ZNF292: variants seen among roughly 807,000 people sequenced by gnomAD.
The protein encoded by ZNF292 is 16 zinc-finger domain protein.
Under a neutral mutation model 217.9 loss-of-function variants are expected in ZNF292, and 26 were observed. The ratio of observed to expected loss-of-function variants is 0.12; its 90% CI spans 0.09 to 0.17. ZNF292 has a LOEUF of 0.17. ZNF292 is among the 10% of genes least tolerant of loss of function. The pLI, the probability that ZNF292 is intolerant of heterozygous loss-of-function variation, is 1.00. For missense variants in ZNF292, 2,904 were observed against 3,175.2 expected, an observed-to-expected ratio of 0.91 and a Z score of 2.05; for synonymous variants, 1,257 against 1,124.1, an observed-to-expected ratio of 1.12 and a Z score of -2.37.
chr6:87,175,614 C>G (rs1164348595), intron 1 of ZNF292, among the ~76,000 whole-genome samples: 1 of 152,214 alleles, frequency 6.6e-6, no homozygotes, highest in Admixed American at 6.5e-5. Flanking sequence ...GCTAGGAGTA[C>G]AGATGTGAAC....
intron 1 of ZNF292, among the ~76,000 whole-genome samples, chr6:87,197,351 G>A (rs1231317803): frequency 6.6e-6 from 1 of 151,722 alleles, no homozygotes; most frequent in African/African-American, 2.4e-5. Context: ...AATTGCAGTA[G>A]GTTAGGTAGT....
At position 87,261,728 on chromosome 6, in the gene ZNF292, A is replaced by C; in HGVS notation, c.8099A>C (p.His2700Pro). 1.2e-6 allele frequency: 2 copies of C among 1,613,122 alleles called. No homozygotes were observed. Among genetic ancestry groups the C allele is most frequent in the East Asian group, 2.2e-5 (1 of 44,848 alleles). Residue 2700 changes from histidine to proline, a missense_variant, in exon 8 of 8, where the codon CAT becomes CCT. Coordinates refer to ENST00000369577, the MANE Select transcript of ZNF292 (RefSeq NM_015021.3). ...PTVSLKKLEV[H>P]SNDPDMSVMK... The stretch of plus-strand genomic sequence containing the variant: ...GTCAGTCTGAAAAAACTTGAAGTAC[A>C]TTCAAATGATCCAGATATGTCTGTT...
At chr6:87,164,531 T>G (rs1374903403) in intron 1 of ZNF292, among the ~76,000 whole-genome samples, 1 of 152,218 alleles carries the variant, frequency 6.6e-6, no homozygotes, top group Admixed American at 6.5e-5. Context: ...CCCTTTTCCC[T>G]TTATTCCCTA....
At chr6:87,188,875 G>T (rs1054870590) in intron 1 of ZNF292, among the ~76,000 whole-genome samples, 2 of 151,900 alleles carry the variant, frequency 1.3e-5, no homozygotes, top group Non-Finnish European at 2.9e-5. Context: ...AATTATTATA[G>T]GTTTGAAAAT....
At chr6:87,166,995 T>A (rs1770938200) in intron 1 of ZNF292, among the ~76,000 whole-genome samples, 1 of 152,186 alleles carries the variant, frequency 6.6e-6, no homozygotes, top group African/African-American at 2.4e-5. Flanking sequence ...TCAAATTAAG[T>A]ATATTTTGCT....
intron 7 of ZNF292, among the ~76,000 whole-genome samples, chr6:87,253,718 C>T (rs893819433): frequency 1.3e-5 from 2 of 152,034 alleles, no homozygotes; most frequent in Non-Finnish European, 2.9e-5. Context: ...AAAATATTTT[C>T]TTCTTAACTT....
chr6:87,155,897 A>T (rs1054650248), intron 1 of ZNF292, 138 bp downstream of exon 1: 1 of 1,116,286 alleles, frequency 9.0e-7, no homozygotes, highest in Non-Finnish European at 1.2e-6. Flanking sequence ...CGGGAGTAGA[A>T]GGAAGGCGCC....
At position 87,224,562 on chromosome 6, in the gene ZNF292, G is replaced by A. The variant is rs184156795; in HGVS notation, c.538+5831G>A. 2.8e-3 allele frequency among the ~76,000 whole-genome samples: 427 copies of A among 152,054 alleles called. 5 individuals carry two copies. Among genetic ancestry groups the A allele is most frequent in the Non-Finnish European group, 3.8e-3 (261 of 67,988 alleles). On this transcript the variant is annotated intron_variant, in intron 4 of 7. Transcript: ENST00000369577. ...AGTTTTGCCTTTTTCAGAATGTCAC[G>A]TAATTAAAGCTTTTCATTCAAGCTT...
chr6:87,230,130 G>C (rs1183115871), intron 4 of ZNF292, among the ~76,000 whole-genome samples: 5 of 152,212 alleles, frequency 3.3e-5, no homozygotes, highest in African/African-American at 1.2e-4. Context: ...TTTCTGCCTT[G>C]AGCACAACTG....
intron 1 of ZNF292, among the ~76,000 whole-genome samples, chr6:87,201,497 C>A (rs926471952): frequency 6.6e-6 from 1 of 152,150 alleles, no homozygotes; most frequent in Non-Finnish European, 1.5e-5. Flanking sequence ...CTCCGCCTCC[C>A]GGGTTCAAGC....
At chr6:87,251,143 C>G (rs1774899432) in intron 7 of ZNF292, among the ~76,000 whole-genome samples, 1 of 152,086 alleles carries the variant, frequency 6.6e-6, no homozygotes, top group African/African-American at 2.4e-5. Flanking sequence ...ATTTGGGGAA[C>G]TACAGGTAGC....
At chr6:87,248,590 A>G (rs1774731849) in intron 7 of ZNF292, among the ~76,000 whole-genome samples, 1 of 152,176 alleles carries the variant, frequency 6.6e-6, no homozygotes, top group Non-Finnish European at 1.5e-5. Context: ...AACAAAACAA[A>G]CAAAAACCTG....
rs1248728289 is a variant in ZNF292 at position 87,255,361 on chromosome 6, T to C, written c.1732T>C (p.Phe578Leu). The part of the protein sequence containing the change: ...IYSCPICAKN[F>L]NSKETFVPHV... Reference sequence around the variant, plus strand: ...TAGTTGCCCCATATGTGCAAAGAACTTTAATTCTAAAGAAACTTTTGTCCC... The same window carrying C: ...TAGTTGCCCCATATGTGCAAAGAACCTTAATTCTAAAGAAACTTTTGTCCC... The change falls in exon 8 of 8, where the codon TTT (phenylalanine) becomes CTT (leucine). Residue 578 changes from phenylalanine (F) to leucine (L), a missense_variant. Phe to Leu is a conservative substitution (Grantham distance 22). Coordinates refer to ENST00000369577, the MANE Select transcript of ZNF292 (RefSeq NM_015021.3). 4 of 1,613,578 alleles carry C rather than the reference T, an allele frequency of 2.5e-6. No homozygotes were observed. Among genetic ancestry groups the C allele is most frequent in the Non-Finnish European group, 3.4e-6 (4 of 1,179,824 alleles).
In ZNF292 at chr6:87,260,200, C is replaced by A. The variant is rs1298189638; in HGVS notation, c.6571C>A (p.Gln2191Lys). The change falls in exon 8 of 8, where the codon CAA (glutamine) becomes AAA (lysine). Residue 2191 changes from glutamine (Q) to lysine (K), a missense_variant. By Grantham distance (53) the Gln-to-Lys change is moderately conservative. Transcript: ENST00000369577. ...RIFQAITGLI[Q>K]HYMKLHEMTP... ...TTTCCAAGCAATTACTGGCCTAATA[C>A]AACACTACATGAAACTTCATGAAAT... is the stretch of plus-strand genomic sequence containing the variant. The A allele has an allele frequency of 3.7e-6, 6 of 1,613,526 alleles. No homozygotes were observed. Among genetic ancestry groups the A allele is most frequent in the South Asian group, 1.1e-5 (1 of 91,080 alleles).
At chr6:87,231,009 G>C (rs1773623607) in intron 4 of ZNF292, among the ~76,000 whole-genome samples, 1 of 152,080 alleles carries the variant, frequency 6.6e-6, no homozygotes, top group Admixed American at 6.5e-5. Flanking sequence ...AATTTGATAC[G>C]TCTAAGCTAC....
chr6:87,193,474 A>T (rs1047737916), intron 1 of ZNF292, among the ~76,000 whole-genome samples: 1 of 151,710 alleles, frequency 6.6e-6, no homozygotes, highest in African/African-American at 2.4e-5. Context: ...TGAGAGGTTG[A>T]GGCTGGAGTG....
chr6:87,200,130 G>A (rs936153098), intron 1 of ZNF292, among the ~76,000 whole-genome samples: 1 of 152,152 alleles, frequency 6.6e-6, no homozygotes, highest in Admixed American at 6.5e-5. Flanking sequence ...TTCTGTATAA[G>A]GGGGTTTACT....
At chr6:87,231,717 A>G (rs1773665875) in intron 4 of ZNF292, among the ~76,000 whole-genome samples, 1 of 152,210 alleles carries the variant, frequency 6.6e-6, no homozygotes, top group African/African-American at 2.4e-5. Flanking sequence ...GATTGGGACC[A>G]TCAGTTTTGT....
At chr6:87,233,202 A>T (rs1773737210) in intron 4 of ZNF292, 123 bp from the exon 5 acceptor site, 1 of 670,806 alleles carries the variant, frequency 1.5e-6, no homozygotes. Flanking sequence ...CCTTACTAGC[A>T]ATAATAGAAA....
Sources: allele counts gnomAD v4.1 joint callset (sites outside exome capture counted in the v4.1 genomes callset), GRCh38; gene constraint gnomAD v4.1.1; transcripts MANE v1.5; gene names NCBI Gene and HGNC (gene_info 2026-07-23, HGNC 2026-07-21).